BLTP3B: variants seen among roughly 807,000 people sequenced by gnomAD.
The protein encoded by BLTP3B is UHRF1 (ICBP90) binding protein 1-like.
chr12:100,096,617 A>G, the BLTP3B span, among the ~76,000 whole-genome samples: 1 of 151,938 alleles, frequency 6.6e-6, no homozygotes, highest in Admixed American at 6.6e-5. Flanking sequence ...CCAGGAGTTC[A>G]TGACCAGCCT....
the BLTP3B span, among the ~76,000 whole-genome samples, chr12:100,118,388 T>TCAAAACAAAA: frequency 4.6e-5 from 7 of 151,728 alleles, no homozygotes; most frequent in Admixed American, 2.6e-4. Flanking sequence ...TGAGACCGTC[T>TCAAAACAAAA]CAAAACAAAA....
At chr12:100,111,277 ATTTTTTTTTT>A in the BLTP3B span, among the ~76,000 whole-genome samples, 17 of 94,762 alleles carry the variant, frequency 1.8e-4, no homozygotes, top group African/African-American at 2.1e-4. Context: ...GGGGTTTTAG[ATTTTTTTTTT>A]TTTTTTTTTT....
chr12:100,059,662 C>T, the BLTP3B span: 574 of 1,170,254 alleles, frequency 4.9e-4, 1 homozygote, highest in Non-Finnish European at 6.1e-4. Flanking sequence ...CCTATTAAGA[C>T]GTAAAACACT....
the BLTP3B span, among the ~76,000 whole-genome samples, chr12:100,117,413 C>T: frequency 6.6e-6 from 1 of 152,098 alleles, no homozygotes; most frequent in Non-Finnish European, 1.5e-5. Context: ...CCAATCTAAT[C>T]CTAAGAAAAA....
the BLTP3B span, among the ~76,000 whole-genome samples, chr12:100,082,188 G>A: frequency 3.3e-5 from 5 of 152,166 alleles, no homozygotes; most frequent in African/African-American, 1.2e-4. Context: ...TCATATGCTT[G>A]TTGGCTGCAC....
the BLTP3B span, among the ~76,000 whole-genome samples, chr12:100,131,347 ATATATATATTTT>A: frequency 6.6e-6 from 1 of 151,270 alleles, no homozygotes; most frequent in East Asian, 1.9e-4. Flanking sequence ...AAGTTTTAAA[ATATATATATTTT>A]TAATTTATTT....
the BLTP3B span, chr12:100,092,688 C>T: frequency 0.016 from 2,489 of 154,646 alleles, 21 homozygotes; most frequent in Non-Finnish European, 0.021. Flanking sequence ...ATAAACATAT[C>T]CACATATTAT....
chr12:100,119,576 G>A, the BLTP3B span, among the ~76,000 whole-genome samples: 2 of 152,174 alleles, frequency 1.3e-5, no homozygotes, highest in Non-Finnish European at 2.9e-5. Flanking sequence ...GAGGCAGTCT[G>A]ATAATGGTGG....
the BLTP3B span, among the ~76,000 whole-genome samples, chr12:100,124,234 T>C: frequency 6.6e-6 from 1 of 151,914 alleles, no homozygotes; most frequent in Non-Finnish European, 1.5e-5. Flanking sequence ...TGCACTATGA[T>C]AACACCATGC....
chr12:100,131,738 A>G, the BLTP3B span, among the ~76,000 whole-genome samples: 1 of 152,190 alleles, frequency 6.6e-6, no homozygotes, highest in Non-Finnish European at 1.5e-5. Flanking sequence ...AAAATAACCA[A>G]AAGTCTTTTA....
At chr12:100,139,811 A>G in the BLTP3B span, among the ~76,000 whole-genome samples, 2 of 152,242 alleles carry the variant, frequency 1.3e-5, no homozygotes, top group Non-Finnish European at 2.9e-5. Context: ...ACAAAAATAC[A>G]TAAAGAAATA....
At chr12:100,105,499 T>C in the BLTP3B span, among the ~76,000 whole-genome samples, 3 of 152,116 alleles carry the variant, frequency 2.0e-5, no homozygotes, top group African/African-American at 7.2e-5. Flanking sequence ...TGTAGAAGAA[T>C]GAAATTGGAT....
the BLTP3B span, among the ~76,000 whole-genome samples, chr12:100,136,408 T>C: frequency 6.6e-6 from 1 of 152,204 alleles, no homozygotes; most frequent in Non-Finnish European, 1.5e-5. Context: ...TTACAGTTAG[T>C]GATCCTACTC....
At chr12:100,121,694 T>C in the BLTP3B span, among the ~76,000 whole-genome samples, 28 of 152,170 alleles carry the variant, frequency 1.8e-4, no homozygotes, top group South Asian at 5.8e-3. Context: ...GCGGGCGTGG[T>C]GGCGCCCGCC....
At chr12:100,078,128 T>C in the BLTP3B span, among the ~76,000 whole-genome samples, 1 of 152,142 alleles carries the variant, frequency 6.6e-6, no homozygotes, top group Non-Finnish European at 1.5e-5. Flanking sequence ...AGGTGGAGCC[T>C]GATGGGAGGT....
At chr12:100,075,707 T>G in the BLTP3B span, among the ~76,000 whole-genome samples, 1 of 152,206 alleles carries the variant, frequency 6.6e-6, no homozygotes, top group South Asian at 2.1e-4. Context: ...AGAAGACATA[T>G]GTGCAGCCAA....
chr12:100,082,370 AT>A, the BLTP3B span, among the ~76,000 whole-genome samples: 1 of 152,064 alleles, frequency 6.6e-6, no homozygotes, highest in African/African-American at 2.4e-5. Context: ...TTGACAGTTT[AT>A]TTTGCTGTAT....
chr12:100,075,453 C>T, the BLTP3B span, among the ~76,000 whole-genome samples: 1 of 152,278 alleles, frequency 6.6e-6, no homozygotes, highest in Admixed American at 6.5e-5. Flanking sequence ...GCTAAGACCT[C>T]AACGGCAATC....
the BLTP3B span, chr12:100,103,827 C>G: frequency 8.4e-7 from 1 of 1,185,096 alleles, no homozygotes; most frequent in Non-Finnish European, 1.1e-6. Flanking sequence ...GACTATATTT[C>G]CATGAAACAA....
Sources: allele counts gnomAD v4.1 joint callset (sites outside exome capture counted in the v4.1 genomes callset), GRCh38; gene constraint gnomAD v4.1.1; transcripts MANE v1.5; gene names NCBI Gene and HGNC (gene_info 2026-07-23, HGNC 2026-07-21).